Variants in SMOC2 observed in about 807,000 individuals in gnomAD.
SMOC2 encodes the protein SPARC-related modular calcium-binding protein 2.
A neutral mutation model predicts 61.4 loss-of-function variants in SMOC2; 39 were observed. The observed-to-expected ratio is 0.64, with a 90% CI of 0.49 to 0.83. The LOEUF (loss-of-function observed/expected upper bound fraction) is 0.83. Ranked by LOEUF, SMOC2 falls within the 40% of genes least tolerant of loss-of-function variation. The pLI, the probability that SMOC2 is intolerant of heterozygous loss-of-function variation, is 0.00. For synonymous variants in SMOC2, 247 were observed against 239.9 expected (o/e 1.03, Z -0.27); for missense variants, 556 against 592.9 (o/e 0.94, Z 0.65).
intron 6 of SMOC2, 76 bp downstream of exon 6, chr6:168,547,245 G>A (rs535132909): frequency 2.5e-5 from 33 of 1,313,038 alleles, no homozygotes; most frequent in African/African-American, 4.4e-5. Flanking sequence ...GAAGTGGAGC[G>A]AGTCATCTTG....
At chr6:168,526,583 C>T in intron 3 of SMOC2, 131 bp downstream of exon 3, 1 of 680,402 alleles carries the variant, frequency 1.5e-6, no homozygotes, top group Non-Finnish European at 2.6e-6. Context: ...GGGAAATCAG[C>T]CTTCTGCATT....
In SMOC2 at chr6:168,526,404, T is replaced by C; in HGVS notation, c.315T>C (p.Phe105=). 6.2e-7 allele frequency: 1 copy of C among 1,614,124 alleles called. No individual in the cohort carries two copies. The highest frequency in any genetic ancestry group is 8.5e-7 in the Non-Finnish European group (1 of 1,179,956). The part of the protein sequence containing the change: ...KYTQEQARKE[F]QQVFIPECND... ...CCCAGGAGCAAGCCCGGAAGGAGTT[T>C]CAGCAAGTGTTCATTCCTGAGTGCA... The change falls in exon 3 of 13, where the codon TTT becomes TTC. Residue 105 remains phenylalanine (F), a synonymous_variant. Coordinates refer to ENST00000356284, the MANE Select transcript of SMOC2 (RefSeq NM_001166412.2).
At chr6:168,556,329 C>T (rs934181461) in intron 7 of SMOC2, among the ~76,000 whole-genome samples, 23 of 152,256 alleles carry the variant, frequency 1.5e-4, no homozygotes, top group Non-Finnish European at 3.1e-4. Context: ...ACATGGGGTG[C>T]GGGAGCAGCC....
chr6:168,489,135 G>C (rs1409784232), intron 1 of SMOC2, among the ~76,000 whole-genome samples: 1 of 145,510 alleles, frequency 6.9e-6, no homozygotes, highest in Non-Finnish European at 1.5e-5. Context: ...GGTCCCCTTG[G>C]ATCACACTGT....
intron 9 of SMOC2, among the ~76,000 whole-genome samples, chr6:168,624,870 GAAACACACACACAAACACAGATACAT>G (rs1025017627): frequency 6.0e-5 from 7 of 116,510 alleles, no homozygotes; most frequent in African/African-American, 2.3e-4. Context: ...CACATTCACA[GAAACACACACACAAACACAGATACAT>G]AAACACACAT....
At chr6:168,614,487 GGGCCTCTTC>G (rs1785996627) in intron 9 of SMOC2, among the ~76,000 whole-genome samples, 4 of 25,998 alleles carry the variant, frequency 1.5e-4, no homozygotes, top group African/African-American at 6.5e-4. Context: ...AGCCAGCACA[GGGCCTCTTC>G]ACACCTACAG....
At chr6:168,454,292 T>G (rs1781531935) in intron 1 of SMOC2, among the ~76,000 whole-genome samples, 1 of 152,024 alleles carries the variant, frequency 6.6e-6, no homozygotes, top group Non-Finnish European at 1.5e-5. Flanking sequence ...AGCTGAGGCA[T>G]CGCTGAAGTG....
chr6:168,605,291 G>T (rs142713099), intron 8 of SMOC2, among the ~76,000 whole-genome samples: 1 of 152,122 alleles, frequency 6.6e-6, no homozygotes, highest in Non-Finnish European at 1.5e-5. Flanking sequence ...ACCCCAGAGC[G>T]TGTCTTTCAG....
At chr6:168,640,167 CGGTCTTGGTGTT>C (rs1312259777) in intron 9 of SMOC2, among the ~76,000 whole-genome samples, 1 of 101,016 alleles carries the variant, frequency 9.9e-6, no homozygotes, top group Non-Finnish European at 2.0e-5. Context: ...TATCAGCACA[CGGTCTTGGTGTT>C]GGTGTTGGTG....
intron 9 of SMOC2, among the ~76,000 whole-genome samples, chr6:168,645,912 T>A (rs1230283476): frequency 6.6e-6 from 1 of 152,150 alleles, no homozygotes; most frequent in Admixed American, 6.6e-5. Context: ...CCAGAGGAGC[T>A]AAAACTGTGA....
At chr6:168,527,265 G>A (rs1232565571) in intron 3 of SMOC2, among the ~76,000 whole-genome samples, 1 of 152,164 alleles carries the variant, frequency 6.6e-6, no homozygotes, top group South Asian at 2.1e-4. Flanking sequence ...AGAGGCCGAG[G>A]TTGCTCTCCT....
intron 7 of SMOC2, among the ~76,000 whole-genome samples, chr6:168,558,905 A>G (rs1487867788): frequency 6.6e-6 from 1 of 151,204 alleles, no homozygotes; most frequent in Non-Finnish European, 1.5e-5. Flanking sequence ...ATGTGTGTGC[A>G]CGTGTGTATG....
At chr6:168,598,353 C>T (rs944931097) in intron 7 of SMOC2, among the ~76,000 whole-genome samples, 15 of 152,176 alleles carry the variant, frequency 9.9e-5, no homozygotes, top group African/African-American at 1.4e-4. Context: ...CACAGGGAGC[C>T]TCGGAGTCTA....
chr6:168,659,618 C>T (rs376496426), intron 11 of SMOC2, among the ~76,000 whole-genome samples: 218 of 16,514 alleles, frequency 0.013, no homozygotes, highest in African/African-American at 0.036. Context: ...AGGTTGTAGG[C>T]TGAGTGAGGG....
At position 168,441,347 on chromosome 6, in the gene SMOC2, C is replaced by G; in HGVS notation, c.-24C>G. On this transcript the variant is annotated 5_prime_UTR_variant, in exon 1 of 13. Transcript: ENST00000356284. ...CCAGGGCGCAGGACGCGGCCGATCT[C>G]CCGCTCCCGCCACCTCCGCCACCAT... 1 of 1,499,192 alleles carries G rather than the reference C, an allele frequency of 6.7e-7. No individual in the cohort carries two copies. The highest frequency in any genetic ancestry group is 8.8e-7 in the Non-Finnish European group (1 of 1,130,908). 92.9% of individuals were successfully genotyped at this position (1,499,192 alleles called of 1,614,324 possible).
chr6:168,576,147 C>T (rs1784798859), intron 7 of SMOC2, among the ~76,000 whole-genome samples: 2 of 152,118 alleles, frequency 1.3e-5, no homozygotes, highest in African/African-American at 4.8e-5. Flanking sequence ...TGGGCAGGTG[C>T]ACCAGTCAGC....
At chr6:168,592,283 G>A (rs1785200378) in intron 7 of SMOC2, among the ~76,000 whole-genome samples, 1 of 148,484 alleles carries the variant, frequency 6.7e-6, no homozygotes, top group Non-Finnish European at 1.5e-5. Flanking sequence ...CTTTCTAGAG[G>A]ATCGTGGAGC....
At chr6:168,508,687 C>A (rs1414495954) in intron 1 of SMOC2, among the ~76,000 whole-genome samples, 2 of 152,188 alleles carry the variant, frequency 1.3e-5, no homozygotes, top group Non-Finnish European at 2.9e-5. Flanking sequence ...TGAACCTCAA[C>A]CCTATTTTCC....
At chr6:168,602,152 C>T (rs1785568770) in intron 8 of SMOC2, among the ~76,000 whole-genome samples, 1 of 152,182 alleles carries the variant, frequency 6.6e-6, no homozygotes, top group African/African-American at 2.4e-5. Context: ...GGTTTACACT[C>T]TTCCAGGGGG....
Sources: gnomAD v4.1 joint callset for allele counts (sites outside exome capture counted in the v4.1 genomes callset) on GRCh38, gnomAD v4.1.1 for gene constraint, MANE v1.5 for transcripts, NCBI Gene and HGNC (gene_info 2026-07-23, HGNC 2026-07-21) for gene names.